GLYAT: variants seen among roughly 807,000 people sequenced by gnomAD.
The protein encoded by GLYAT is glycine N-acyltransferase.
In GLYAT, 25 loss-of-function variants were observed where a neutral mutation model predicts 22.8. That is an observed-to-expected ratio of 1.09 (90% CI 0.80 to 1.53). The LOEUF (loss-of-function observed/expected upper bound fraction) is 1.53. Ranked by LOEUF, GLYAT falls within the 40% of genes most tolerant of loss-of-function variation. The probability of loss-of-function intolerance (pLI) is 0.00; values close to 1 mark genes in which losing one functional copy is unlikely to be tolerated. For missense variants in GLYAT, 411 were observed against 353.9 expected (o/e 1.16, Z -1.29); for synonymous variants, 140 against 122.7 (o/e 1.14, Z -0.93).
Position 58,724,505 on chromosome 11 carries a change from C to A in GLYAT, c.-9G>T, listed in dbSNP as rs371878373. On this transcript the variant is annotated 5_prime_UTR_variant, in exon 2 of 6. Coordinates refer to ENST00000344743, the MANE Select transcript of GLYAT (RefSeq NM_201648.3). Reference sequence around the variant, plus strand: ...TGCAATGGTAACATCATGGAGGATACCTTAGCCTAGAAAGACAACCAAGGA... The same window carrying A: ...TGCAATGGTAACATCATGGAGGATAACTTAGCCTAGAAAGACAACCAAGGA... The A allele has an allele frequency of 1.3e-6, 2 of 1,571,642 alleles. No individual in the cohort carries two copies. The highest frequency in any genetic ancestry group is 1.7e-5 in the Admixed American group (1 of 58,088).
chr11:58,716,590 A>T (rs1207034650), intron 2 of GLYAT, among the ~76,000 whole-genome samples: 2 of 152,128 alleles, frequency 1.3e-5, no homozygotes, highest in African/African-American at 2.4e-5. Context: ...ATGTATTTAC[A>T]CTATAATATT....
intron 1 of GLYAT, among the ~76,000 whole-genome samples, chr11:58,726,968 TC>T (rs1219399907): frequency 6.6e-6 from 1 of 151,274 alleles, no homozygotes; most frequent in Non-Finnish European, 1.5e-5. Flanking sequence ...AGGAAGAATT[TC>T]CCCTCCCCTT....
Position 58,709,027 on chromosome 11 carries a change from A to G in GLYAT, c.*739T>C, listed in dbSNP as rs1426491364. 2.0e-5 allele frequency: 3 copies of G among 152,178 alleles called. No individual in the cohort carries two copies. Among genetic ancestry groups the G allele is most frequent in the Non-Finnish European group, 2.9e-5 (2 of 68,030 alleles). 9.4% of individuals were successfully genotyped at this position (152,178 alleles called of 1,614,324 possible). A position where few individuals can be genotyped will look rare whatever the true frequency, so the allele number is the denominator to read the frequency against. On this transcript the variant is annotated 3_prime_UTR_variant, in exon 6 of 6. Coordinates refer to ENST00000344743, the MANE Select transcript of GLYAT (RefSeq NM_201648.3). ...CACTCATTCCTTTCATGCTGTCACC[A>G]TGATGAACCACTTAGCTTGAACAAA...
chr11:58,722,024 A>G (rs988268276), intron 2 of GLYAT, among the ~76,000 whole-genome samples: 1 of 152,100 alleles, frequency 6.6e-6, no homozygotes, highest in Non-Finnish European at 1.5e-5. Context: ...TTGTGTAAAA[A>G]GTAAAGTAGA....
chr11:58,708,958 A>T lies in GLYAT; in HGVS notation c.*808T>A, dbSNP rs918728376. ...AACTCCTATCTCTCCTCAATAAACCATCACATCCCTGGGTCAAGGTGCTCC... is the reference window on the plus strand; with the variant it reads ...AACTCCTATCTCTCCTCAATAAACCTTCACATCCCTGGGTCAAGGTGCTCC... On this transcript the variant is annotated 3_prime_UTR_variant, in exon 6 of 6. Transcript: ENST00000344743. The T allele has an allele frequency of 6.6e-6, 1 of 152,040 alleles. No individual in the cohort carries two copies. The highest frequency in any genetic ancestry group is 1.5e-5 in the Non-Finnish European group (1 of 68,000). 9.4% of individuals were successfully genotyped at this position (152,040 alleles called of 1,614,324 possible). A position where few individuals can be genotyped will look rare whatever the true frequency, so the allele number is the denominator to read the frequency against.
At chr11:58,729,568 C>T (rs1856850310) in intron 1 of GLYAT, among the ~76,000 whole-genome samples, 1 of 152,090 alleles carries the variant, frequency 6.6e-6, no homozygotes, top group Non-Finnish European at 1.5e-5. Flanking sequence ...ACAGAGTAGG[C>T]CCTCAATACA....
chr11:58,716,428 A>T (rs1025470174), intron 2 of GLYAT, among the ~76,000 whole-genome samples: 1 of 152,070 alleles, frequency 6.6e-6, no homozygotes, highest in Non-Finnish European at 1.5e-5. Flanking sequence ...TAGGGAATGA[A>T]GGTGAAAAAA....
intron 4 of GLYAT, among the ~76,000 whole-genome samples, 178 bp from the exon 5 acceptor site, chr11:58,710,939 G>C (rs955128718): frequency 6.6e-6 from 1 of 152,140 alleles, no homozygotes; most frequent in Non-Finnish European, 1.5e-5. Flanking sequence ...TCTTCAAAAA[G>C]ACTTCCCTCC....
At position 58,724,448 on chromosome 11, in the gene GLYAT, A is replaced by T. The variant is rs10896818; in HGVS notation, c.49T>A (p.Ser17Thr). 261,387 of 1,604,650 alleles carry T rather than the reference A, an allele frequency of 0.16. 23,586 individuals carry two copies. The highest frequency in any genetic ancestry group is 0.28 in the Admixed American group (16,501 of 59,496). Residue 17 changes from serine to threonine, a missense_variant, in exon 2 of 6, where the codon TCC (serine) becomes ACC (threonine). Coordinates refer to ENST00000344743, the MANE Select transcript of GLYAT (RefSeq NM_201648.3). ...GAQMLQMLEK[S>T]LRKSLPASLK... ...GATGCTGGGAGGCTCTTCCTCAAGG[A>T]TTTCTCCAGCATCTGCAGCATCTGG...
At chr11:58,730,689 G>A (rs1348877314) in intron 1 of GLYAT, among the ~76,000 whole-genome samples, 5 of 152,090 alleles carry the variant, frequency 3.3e-5, no homozygotes, top group Non-Finnish European at 7.4e-5. Flanking sequence ...ACTCACTTGA[G>A]CCCACAGCAA....
intron 2 of GLYAT, 26 bp downstream of exon 2, chr11:58,724,389 AC>A (rs963084578): frequency 7.7e-7 from 1 of 1,291,052 alleles, no homozygotes; most frequent in Non-Finnish European, 1.1e-6. Flanking sequence ...TGTCTTCTTT[AC>A]TCCTCTCAGA....
Position 58,710,212 on chromosome 11 carries a change from G to A in GLYAT, c.489-44C>T, listed in dbSNP as rs2509910. 3,590 of 1,557,166 alleles carry A rather than the reference G, an allele frequency of 2.3e-3. 76 individuals are homozygous for A. The African/African-American group carries it at 0.044, about 19-fold the overall frequency. Reference sequence around the variant, plus strand: ...GAAAACAAAATCCATTAGTATAAAGGTTTGTATTTGCTGTGACCTCTATTG... The same window carrying A: ...GAAAACAAAATCCATTAGTATAAAGATTTGTATTTGCTGTGACCTCTATTG... On this transcript the variant is annotated intron_variant, in intron 5 of 5. Coordinates refer to ENST00000344743, the MANE Select transcript of GLYAT (RefSeq NM_201648.3).
rs138943045 is a variant in GLYAT at position 58,709,469 on chromosome 11, CAGG to C, written c.*294_*296del. On this transcript the variant is annotated 3_prime_UTR_variant, in exon 6 of 6. Transcript: ENST00000344743. ...CTTGCAACTGAGGAACCAGGGATTCCAGGAGAAGTAATTTGGAGCAATATGTAT... is the reference window on the plus strand; with the variant it reads ...CTTGCAACTGAGGAACCAGGGATTCCAGAAGTAATTTGGAGCAATATGTAT... The C allele has an allele frequency of 5.7e-3, 1,328 of 233,618 alleles. 25 individuals are homozygous for C. The highest frequency in any genetic ancestry group is 0.026 in the African/African-American group (1,167 of 44,682). 14.5% of individuals were successfully genotyped at this position (233,618 alleles called of 1,614,324 possible). A position where few individuals can be genotyped will look rare whatever the true frequency, so the allele number is the denominator to read the frequency against.
At position 58,710,754 on chromosome 11, in the gene GLYAT, C is replaced by T. The variant is rs780976003; in HGVS notation, c.324G>A (p.Gln108=). ...TTTGTATAGCCTCATTCAGGCTAGG[C>T]TGTGAACCTAGACGGTATAATAAAC... is the stretch of plus-strand genomic sequence containing the variant. The part of the protein sequence containing the change: ...WKQHLQIQSS[Q]PSLNEAIQNL... Residue 108 remains glutamine, a synonymous_variant, in exon 5 of 6, where the codon CAG becomes CAA. Transcript: ENST00000344743. 1.3e-6 allele frequency: 2 copies of T among 1,590,964 alleles called. No individual in the cohort carries two copies. Among genetic ancestry groups the T allele is most frequent in the Admixed American group, 1.7e-5 (1 of 59,986 alleles).
At chr11:58,722,774 G>A (rs1213462266) in intron 2 of GLYAT, among the ~76,000 whole-genome samples, 2 of 152,078 alleles carry the variant, frequency 1.3e-5, no homozygotes, top group African/African-American at 2.4e-5. Flanking sequence ...AGTTGAATCA[G>A]TTGTAGTGGA....
In GLYAT at chr11:58,710,644, G is replaced by A. The variant is rs1276887109; in HGVS notation, c.434C>T (p.Pro145Leu). 4 of 1,608,904 alleles carry A rather than the reference G, an allele frequency of 2.5e-6. No homozygotes were observed. Among genetic ancestry groups the A allele is most frequent in the South Asian group, 1.1e-5 (1 of 90,994 alleles). ...TAAAATCTTTGATTTCAGCAGGAAAGGAGTCAGTTCCTTGGCTGTTTCAGC... is the reference window on the plus strand; with the variant it reads ...TAAAATCTTTGATTTCAGCAGGAAAAGAGTCAGTTCCTTGGCTGTTTCAGC... The part of the protein sequence containing the change: ...MAAETAKELT[P>L]FLLKSKILSP... The change falls in exon 5 of 6, where the codon CCT becomes CTT. Residue 145 changes from proline (P) to leucine (L), a missense_variant. By Grantham distance (98) the Pro-to-Leu change is moderately conservative. Transcript: ENST00000344743.
At chr11:58,726,387 G>C (rs1165502564) in intron 1 of GLYAT, among the ~76,000 whole-genome samples, 1 of 152,104 alleles carries the variant, frequency 6.6e-6, no homozygotes. Context: ...CTAGCTGTCA[G>C]GGCAGTAGTA....
chr11:58,716,250 T>G (rs369233832), intron 2 of GLYAT, among the ~76,000 whole-genome samples: 1 of 152,106 alleles, frequency 6.6e-6, no homozygotes, highest in African/African-American at 2.4e-5. Flanking sequence ...GATGTCAGCA[T>G]AGATCTCGTG....
chr11:58,712,583 T>G (rs778571237), intron 4 of GLYAT, among the ~76,000 whole-genome samples, 177 bp downstream of exon 4: 2 of 152,156 alleles, frequency 1.3e-5, no homozygotes, highest in South Asian at 2.1e-4. Flanking sequence ...GCCCATTCTT[T>G]GCAAATTTTA....
Sources: gnomAD v4.1 joint callset for allele counts (sites outside exome capture counted in the v4.1 genomes callset) on GRCh38, gnomAD v4.1.1 for gene constraint, MANE v1.5 for transcripts, NCBI Gene and HGNC (gene_info 2026-07-23, HGNC 2026-07-21) for gene names.